NFATC2: variants seen among roughly 807,000 people sequenced by gnomAD.
NFATC2 encodes the protein nuclear factor of activated T-cells, cytoplasmic 2.
Under a neutral mutation model 87.3 loss-of-function variants are expected in NFATC2, and 22 were observed. That is an observed-to-expected ratio of 0.25 (90% confidence interval 0.18 to 0.36). The LOEUF (loss-of-function observed/expected upper bound fraction) is 0.36, where lower values mean the gene tolerates loss of function less well. Among genes scored for constraint, NFATC2 ranks in the 10% least tolerant of loss-of-function variants. The pLI is 1.00. For synonymous variants in NFATC2, 565 were observed against 542.2 expected, an observed-to-expected ratio of 1.04 and a Z score of -0.58; for missense variants, 1,149 against 1,259.1, an observed-to-expected ratio of 0.91 and a Z score of 1.32.
intron 1 of NFATC2, among the ~76,000 whole-genome samples, chr20:51,561,436 A>AAGG (rs2077024399): frequency 1.4e-5 from 1 of 69,608 alleles, no homozygotes. Flanking sequence ...GAAAGAAAAG[A>AAGG]AAGAAAGAAA....
chr20:51,530,388 C>T (rs1226724487), intron 1 of NFATC2, among the ~76,000 whole-genome samples: 1 of 152,074 alleles, frequency 6.6e-6, no homozygotes, highest in Non-Finnish European at 1.5e-5. Flanking sequence ...AGGCTAGTCT[C>T]GAACTCCTGA....
chr20:51,527,134 C>G (rs2076557781), intron 1 of NFATC2, among the ~76,000 whole-genome samples: 1 of 151,738 alleles, frequency 6.6e-6, no homozygotes, highest in African/African-American at 2.4e-5. Flanking sequence ...CTCCTGAGCT[C>G]AAGTGATCCT....
chr20:51,411,818 G>A (rs1026820836), intron 9 of NFATC2, among the ~76,000 whole-genome samples: 14 of 152,012 alleles, frequency 9.2e-5, no homozygotes, highest in Middle Eastern at 3.4e-3. Context: ...GTGAGCCACC[G>A]CGCCTGGCCT....
intron 6 of NFATC2, among the ~76,000 whole-genome samples, chr20:51,452,108 T>C (rs1985865460): frequency 6.6e-6 from 1 of 152,104 alleles, no homozygotes; most frequent in African/African-American, 2.4e-5. Flanking sequence ...AGACTTTACC[T>C]TCATCATCTC....
At chr20:51,492,375 G>A (rs1427296394) in intron 3 of NFATC2, among the ~76,000 whole-genome samples, 4 of 152,154 alleles carry the variant, frequency 2.6e-5, no homozygotes, top group Non-Finnish European at 5.9e-5. Context: ...AGGAGTGTGC[G>A]TGAGTGCGGC....
chr20:51,510,305 C>T (rs2076252256), intron 3 of NFATC2, among the ~76,000 whole-genome samples: 1 of 152,208 alleles, frequency 6.6e-6, no homozygotes, highest in Non-Finnish European at 1.5e-5. Flanking sequence ...TGGCGTTATA[C>T]AGGCCACTCT....
chr20:51,546,032 C>A (rs1225656301), upstream of NFATC2, among the ~76,000 whole-genome samples: 1 of 152,122 alleles, frequency 6.6e-6, no homozygotes, highest in Admixed American at 6.5e-5. Context: ...TGGCAAGAAC[C>A]TAAATTCTTA....
chr20:51,515,258 A>G (rs1036059577), intron 3 of NFATC2, among the ~76,000 whole-genome samples: 4 of 152,204 alleles, frequency 2.6e-5, no homozygotes, highest in African/African-American at 9.6e-5. Flanking sequence ...TATGGGGTGG[A>G]GAGAACAGAG....
At chr20:51,477,995 G>T (rs961678337) in intron 3 of NFATC2, among the ~76,000 whole-genome samples, 1 of 152,200 alleles carries the variant, frequency 6.6e-6, no homozygotes, top group African/African-American at 2.4e-5. Flanking sequence ...GACACAGAAT[G>T]TTTCCATCAT....
chr20:51,463,198 G>T (rs1987330248), intron 5 of NFATC2, among the ~76,000 whole-genome samples: 1 of 152,242 alleles, frequency 6.6e-6, no homozygotes, highest in South Asian at 2.1e-4. Context: ...CTCCACTCTG[G>T]CTGTTCCCTG....
chr20:51,432,293 C>A lies in NFATC2; in HGVS notation c.2496G>T (p.Met832Ile). ...TGCCTGGTGCGAAATTCTCGCAGTA[C>A]ATGATGTGCTGGAACTCCTGGTGGC... ...CGSHQEFQHI[M>I]YCENFAPGTT... Residue 832 changes from methionine to isoleucine, a missense_variant, in exon 9 of 11, where the codon ATG becomes ATT. Physicochemically the swap from Met to Ile is conservative, Grantham distance 10. This residue lies in a region of NFATC2 where 581 missense variants were observed against 649.7 expected (regional missense o/e 0.89). Coordinates refer to ENST00000371564, the MANE Select transcript of NFATC2 (RefSeq NM_012340.5). This position sits in a 1 kb window ranked among gnomAD's most constrained non-coding sequence, Gnocchi z 4.6. The A allele has an allele frequency of 6.2e-7, 1 of 1,614,212 alleles. No individual in the cohort carries two copies. The highest frequency in any genetic ancestry group is 2.2e-5 in the East Asian group (1 of 44,878).
At position 51,524,611 on chromosome 20, in the gene NFATC2, T is replaced by G. The variant is rs1338989822; in HGVS notation, c.131-501A>C. Among the ~76,000 whole-genome samples the G allele has an allele frequency of 1.3e-5, 2 of 152,044 alleles. No individual in the cohort carries two copies. The highest frequency in any genetic ancestry group is 2.9e-5 in the Non-Finnish European group (2 of 68,018). On this transcript the variant is annotated intron_variant, in intron 1 of 10. Transcript: ENST00000371564. This position sits in a 1 kb window ranked among gnomAD's most constrained non-coding sequence, Gnocchi z 4.0. ...TTGAAAAGCACCTATCTAGGGCCTATGGCAGCACTCTACACACATGACGTG... is the reference window on the plus strand; with the variant it reads ...TTGAAAAGCACCTATCTAGGGCCTAGGGCAGCACTCTACACACATGACGTG...
intron 9 of NFATC2, among the ~76,000 whole-genome samples, chr20:51,428,293 C>T (rs559353691): frequency 8.5e-5 from 13 of 152,274 alleles, no homozygotes; most frequent in African/African-American, 2.6e-4. Context: ...ACGCAAGTGA[C>T]GGTGTATGAA....
intron 1 of NFATC2, among the ~76,000 whole-genome samples, chr20:51,551,983 C>T (rs532375215): frequency 9.9e-5 from 15 of 151,260 alleles, no homozygotes; most frequent in African/African-American, 2.9e-4. Context: ...GCTGAGATCA[C>T]GCCACTGCAC....
intron 6 of NFATC2, among the ~76,000 whole-genome samples, chr20:51,439,608 G>A (rs754926703): frequency 1.3e-5 from 2 of 152,194 alleles, no homozygotes; most frequent in Admixed American, 6.5e-5. Flanking sequence ...ACGCCCATGG[G>A]GGGCAGGGGG....
chr20:51,404,490 C>T (rs1052187730), intron 9 of NFATC2, among the ~76,000 whole-genome samples: 2 of 152,224 alleles, frequency 1.3e-5, no homozygotes, highest in Non-Finnish European at 2.9e-5. Flanking sequence ...GTCCTCGAGT[C>T]TCAGTTTTTC....
intron 9 of NFATC2, among the ~76,000 whole-genome samples, chr20:51,411,115 A>T (rs1369483526): frequency 6.6e-6 from 1 of 152,168 alleles, no homozygotes; most frequent in African/African-American, 2.4e-5. Flanking sequence ...GTGACCCATG[A>T]GGTAAGTGTT....
chr20:51,468,462 A>G (rs1282485551), intron 5 of NFATC2, among the ~76,000 whole-genome samples: 1 of 152,228 alleles, frequency 6.6e-6, no homozygotes, highest in African/African-American at 2.4e-5. Context: ...CTGAGCTGGC[A>G]GGGCTTTGTG....
chr20:51,518,637 T>C (rs562302040), intron 2 of NFATC2, among the ~76,000 whole-genome samples: 1 of 152,180 alleles, frequency 6.6e-6, no homozygotes, highest in East Asian at 1.9e-4. Flanking sequence ...ATCACTCACA[T>C]CTAACCATAT....
Sources: allele counts gnomAD v4.1 joint callset (sites outside exome capture counted in the v4.1 genomes callset), GRCh38; gene constraint gnomAD v4.1.1; regional missense constraint gnomAD v4.1.1; non-coding constraint Gnocchi (gnomAD v3.1); transcripts MANE v1.5; gene names NCBI Gene and HGNC (gene_info 2026-07-23, HGNC 2026-07-21).